CALD1: variants seen among roughly 807,000 people sequenced by gnomAD.
CALD1 encodes the protein caldesmon 1.
Under a neutral mutation model 99.9 loss-of-function variants are expected in CALD1, and 33 were observed. The observed-to-expected ratio is 0.33, with a 90% CI of 0.25 to 0.44. The LOEUF (loss-of-function observed/expected upper bound fraction) is 0.44, where lower values mean the gene tolerates loss of function less well. Ranked by LOEUF, CALD1 falls within the 20% of genes least tolerant of loss-of-function variation. CALD1 has a pLI of 1.00. For synonymous variants in CALD1, 310 were observed against 325.0 expected (o/e 0.95, Z 0.50); for missense variants, 861 against 962.1 (o/e 0.89, Z 1.39).
chr7:134,758,116 A>G (rs923353093), intron 1 of CALD1, among the ~76,000 whole-genome samples: 4 of 152,160 alleles, frequency 2.6e-5, no homozygotes, highest in African/African-American at 7.2e-5. Flanking sequence ...TACATTCCAC[A>G]TGCTGAGTGT....
intron 5 of CALD1, 104 bp from the exon 6 acceptor site, chr7:134,935,584 A>G (rs960938442): frequency 2.3e-5 from 34 of 1,500,788 alleles, no homozygotes; most frequent in Non-Finnish European, 2.8e-5. Context: ...AAGAGAAGCC[A>G]TCCCACGCAG....
intron 1 of CALD1, among the ~76,000 whole-genome samples, chr7:134,748,676 A>G (rs1180404563): frequency 6.6e-6 from 1 of 152,026 alleles, no homozygotes; most frequent in African/African-American, 2.4e-5. Context: ...GTGCCATTGC[A>G]TTCCAGCCTG....
intron 1 of CALD1, among the ~76,000 whole-genome samples, chr7:134,807,839 G>A (rs1798205211): frequency 6.6e-6 from 1 of 152,092 alleles, no homozygotes; most frequent in Non-Finnish European, 1.5e-5. Context: ...TGTTGGCCAG[G>A]CTGGTCTTGA....
intron 1 of CALD1, among the ~76,000 whole-genome samples, chr7:134,770,471 C>T (rs1010908105): frequency 3.9e-5 from 6 of 152,138 alleles, no homozygotes; most frequent in African/African-American, 1.4e-4. Context: ...GCCTCCCTTC[C>T]AGCTTCTAGG....
intron 6 of CALD1, among the ~76,000 whole-genome samples, chr7:134,938,090 T>G (rs768549543): frequency 6.6e-5 from 10 of 152,176 alleles, no homozygotes; most frequent in Non-Finnish European, 1.2e-4. Context: ...ATGCAGAATC[T>G]GATTCCATGA....
the CALD1 span, among the ~76,000 whole-genome samples, chr7:134,711,726 G>C: frequency 0.23 from 21,725 of 95,136 alleles, 2,409 homozygotes; most frequent in African/African-American, 0.34. Context: ...GTGTGTGTGT[G>C]TCTCTCTCTC....
chr7:134,766,590 G>C (rs988831292), intron 1 of CALD1, among the ~76,000 whole-genome samples: 7 of 152,190 alleles, frequency 4.6e-5, no homozygotes, highest in Non-Finnish European at 1.0e-4. Context: ...CAGTTAGTTC[G>C]CAAAGCAGCT....
At chr7:134,811,134 A>G (rs771965598) in intron 1 of CALD1, among the ~76,000 whole-genome samples, 3 of 152,210 alleles carry the variant, frequency 2.0e-5, no homozygotes, top group Non-Finnish European at 2.9e-5. Flanking sequence ...TTAAAAGGCA[A>G]GAACAATTTT....
intron 3 of CALD1, among the ~76,000 whole-genome samples, chr7:134,926,936 T>C (rs780188255): frequency 2.6e-5 from 4 of 152,196 alleles, no homozygotes; most frequent in Admixed American, 6.5e-5. Flanking sequence ...CTTACCACAG[T>C]TTTAAAAAGA....
At chr7:134,752,616 A>G (rs1209619174) in intron 1 of CALD1, among the ~76,000 whole-genome samples, 2 of 152,160 alleles carry the variant, frequency 1.3e-5, no homozygotes, top group East Asian at 3.9e-4. Context: ...ACAGCCGAGT[A>G]ATTATGCAAC....
At chr7:134,829,867 A>G (rs1799148168) in intron 1 of CALD1, among the ~76,000 whole-genome samples, 1 of 152,224 alleles carries the variant, frequency 6.6e-6, no homozygotes, top group Admixed American at 6.5e-5. Context: ...AAGATAAATG[A>G]ACCATTTTAG....
intron 1 of CALD1, chr7:134,821,939 C>G (rs972220595): frequency 1.1e-4 from 17 of 152,024 alleles, no homozygotes; most frequent in Non-Finnish European, 1.9e-4. Context: ...ATAGTTGACT[C>G]TCTCTCTCTT....
intron 3 of CALD1, among the ~76,000 whole-genome samples, chr7:134,925,930 C>T (rs893582027): frequency 6.6e-6 from 1 of 152,268 alleles, no homozygotes; most frequent in Admixed American, 6.5e-5. Context: ...GTTTAGGAAG[C>T]AGTTATTAAG....
At chr7:134,930,575 T>C (rs1183428150) in intron 4 of CALD1, among the ~76,000 whole-genome samples, 2 of 152,220 alleles carry the variant, frequency 1.3e-5, no homozygotes, top group Admixed American at 1.3e-4. Context: ...TAGCACAATA[T>C]TGTTTACCCT....
At chr7:134,770,518 G>C (rs1352510674) in intron 1 of CALD1, among the ~76,000 whole-genome samples, 2 of 152,068 alleles carry the variant, frequency 1.3e-5, no homozygotes, top group African/African-American at 4.8e-5. Context: ...TGGCTTGTAG[G>C]TGTGTCGCTT....
the CALD1 span, among the ~76,000 whole-genome samples, chr7:134,731,762 A>T: frequency 6.6e-6 from 1 of 151,158 alleles, no homozygotes; most frequent in African/African-American, 2.4e-5. Flanking sequence ...ACTCAGTCTC[A>T]TGTTTAATTC....
chr7:134,803,495 C>G (rs953105001), intron 1 of CALD1, among the ~76,000 whole-genome samples: 1 of 151,714 alleles, frequency 6.6e-6, no homozygotes, highest in African/African-American at 2.4e-5. Flanking sequence ...TTAAAAAAAA[C>G]TTTTAGTTTT....
intron 3 of CALD1, among the ~76,000 whole-genome samples, chr7:134,924,886 T>C (rs575377809): frequency 6.6e-6 from 1 of 152,212 alleles, no homozygotes; most frequent in African/African-American, 2.4e-5. Flanking sequence ...GATGGTTTTA[T>C]AAGGGGGGGC....
chr7:134,727,911 T>G, the CALD1 span, among the ~76,000 whole-genome samples: 1 of 152,212 alleles, frequency 6.6e-6, no homozygotes, highest in East Asian at 1.9e-4. Flanking sequence ...TTTCTTTAAC[T>G]TTGCTAATGA....
Sources: gnomAD v4.1 joint callset for allele counts (sites outside exome capture counted in the v4.1 genomes callset) on GRCh38, gnomAD v4.1.1 for gene constraint, MANE v1.5 for transcripts, NCBI Gene and HGNC (gene_info 2026-07-23, HGNC 2026-07-21) for gene names.